OSTM1: variants seen among roughly 807,000 people sequenced by gnomAD.
OSTM1 encodes the protein osteopetrosis-associated transmembrane protein 1.
In OSTM1, 26 loss-of-function variants were observed where a neutral mutation model predicts 35.4. The ratio of observed to expected loss-of-function variants is 0.73; its 90% CI spans 0.54 to 1.02. OSTM1 has a LOEUF of 1.02. OSTM1 is among the 50% of genes least tolerant of loss of function. OSTM1 has a pLI of 0.00. For missense variants in OSTM1, 366 were observed against 409.6 expected (o/e 0.89, Z 0.92); for synonymous variants, 181 against 165.0 (o/e 1.10, Z -0.75).
In OSTM1 at chr6:108,046,263, G is replaced by A. The variant is rs559147110; in HGVS notation, c.950-1423C>T. Among the ~76,000 whole-genome samples the A allele has an allele frequency of 3.3e-3, 463 of 139,678 alleles. 3 individuals carry two copies. Among genetic ancestry groups the A allele is most frequent in the Non-Finnish European group, 3.7e-3 (244 of 65,666 alleles). 91.6% of individuals were successfully genotyped at this position (139,678 alleles called of 152,430 possible). On this transcript the variant is annotated intron_variant, in intron 5 of 5. Transcript: ENST00000193322. ...TCTTGATCTCCTGACCTCATGATCC[G>A]TCTGCCCCGGCCTCCCAAAGTGCTG...
chr6:108,073,556 T>A (rs1772525319), intron 1 of OSTM1: 1 of 152,266 alleles, frequency 6.6e-6, no homozygotes, highest in African/African-American at 2.4e-5. Context: ...TATTACTATG[T>A]GTTGTTTTCT....
chr6:108,065,123 T>G (rs1300539369), intron 1 of OSTM1, among the ~76,000 whole-genome samples: 3 of 152,066 alleles, frequency 2.0e-5, no homozygotes, highest in Non-Finnish European at 2.9e-5. Context: ...CCTCCCAAAG[T>G]GCTGGGATTA....
In OSTM1 at chr6:108,049,958, C is replaced by T. The variant is rs184210096; in HGVS notation, c.784-540G>A. The stretch of plus-strand genomic sequence containing the variant: ...TTCTTAAGCTCATTAATTCTGACCT[C>T]AAGTTCTCTACTTTGAGCCAATAAT... On this transcript the variant is annotated intron_variant, in intron 4 of 5. Transcript: ENST00000193322. Among the ~76,000 whole-genome samples, 39 of 152,302 alleles carry T rather than the reference C, an allele frequency of 2.6e-4. No homozygotes were observed. In the East Asian group the frequency reaches 6.0e-3, roughly 23 times the overall value.
At chr6:108,054,694 A>G in intron 2 of OSTM1, 107 bp from the exon 3 acceptor site, 1 of 535,608 alleles carries the variant, frequency 1.9e-6, no homozygotes, top group Non-Finnish European at 3.3e-6. Flanking sequence ...GTAATTCTTT[A>G]TTCAAACAAG....
intron 4 of OSTM1, among the ~76,000 whole-genome samples, chr6:108,050,690 A>T (rs1772061571): frequency 6.6e-6 from 1 of 152,188 alleles, no homozygotes; most frequent in African/African-American, 2.4e-5. Flanking sequence ...CAACAAGTGC[A>T]CAAGAAACTG....
Position 108,069,915 on chromosome 6 carries a change from T to A in OSTM1, c.402+4335A>T, listed in dbSNP as rs1772450986. ...CTGGCTTTGATTCTTTTTTTCTCCT[T>A]ATTATACTCCTCTCCTCTCTCAATC... On this transcript the variant is annotated intron_variant, in intron 1 of 5. Transcript: ENST00000193322. Among the ~76,000 whole-genome samples the A allele has an allele frequency of 3.3e-5, 5 of 152,294 alleles. No individual in the cohort carries two copies. In the South Asian group the frequency reaches 1.0e-3, roughly 32 times the overall value.
At chr6:108,050,640 G>T (rs1272916080) in intron 4 of OSTM1, among the ~76,000 whole-genome samples, 5 of 152,130 alleles carry the variant, frequency 3.3e-5, no homozygotes, top group Non-Finnish European at 5.9e-5. Context: ...GGGATTACAG[G>T]TGTAGTCACC....
chr6:108,064,526 A>G (rs1190214284), intron 1 of OSTM1, among the ~76,000 whole-genome samples: 1 of 152,118 alleles, frequency 6.6e-6, no homozygotes, highest in Non-Finnish European at 1.5e-5. Flanking sequence ...TGTTATCTAA[A>G]TAGTTTGTAC....
intron 1 of OSTM1, among the ~76,000 whole-genome samples, chr6:108,071,329 G>A (rs1006600940): frequency 2.7e-5 from 4 of 150,036 alleles, no homozygotes; most frequent in African/African-American, 9.8e-5. Flanking sequence ...TTTTTGCAAC[G>A]GAGTCTTACT....
intron 2 of OSTM1, among the ~76,000 whole-genome samples, chr6:108,055,053 G>A (rs1332723881): frequency 6.6e-6 from 1 of 152,056 alleles, no homozygotes; most frequent in Non-Finnish European, 1.5e-5. Context: ...TTTAAAATTC[G>A]CTCTTTCTAA....
intron 3 of OSTM1, among the ~76,000 whole-genome samples, chr6:108,052,821 A>C (rs961918430): frequency 6.6e-6 from 1 of 152,056 alleles, no homozygotes; most frequent in Admixed American, 6.6e-5. Context: ...CTTCATTGCA[A>C]CTCCTGCTTT....
At chr6:108,050,650 C>T (rs553177451) in intron 4 of OSTM1, among the ~76,000 whole-genome samples, 2 of 151,996 alleles carry the variant, frequency 1.3e-5, no homozygotes, top group East Asian at 1.9e-4. Flanking sequence ...GTGTAGTCAC[C>T]GTGCCCAGCT....
intron 3 of OSTM1, among the ~76,000 whole-genome samples, chr6:108,051,573 A>G (rs1772074579): frequency 6.6e-6 from 1 of 152,192 alleles, no homozygotes; most frequent in South Asian, 2.1e-4. Context: ...TTATCTCATC[A>G]TCACAAACCC....
chr6:108,061,212 T>G (rs1405091624), intron 2 of OSTM1, among the ~76,000 whole-genome samples: 1 of 152,112 alleles, frequency 6.6e-6, no homozygotes, highest in East Asian at 1.9e-4. Flanking sequence ...CAATATACCA[T>G]AGTATACTGA....
chr6:108,073,613 A>G (rs1772526322), intron 1 of OSTM1: 1 of 152,430 alleles, frequency 6.6e-6, no homozygotes, highest in East Asian at 1.9e-4. Flanking sequence ...ACAGGCACAG[A>G]GAATGTAAGT....
chr6:108,074,431 G>C lies in OSTM1; in HGVS notation c.221C>G (p.Pro74Arg), dbSNP rs141735624. Residue 74 changes from proline (P) to arginine (R), a missense_variant, in exon 1 of 6, where the codon CCC becomes CGC. Around this residue, in one of 3 missense-constraint regions of OSTM1, gnomAD observed 236 missense variants for 239.3 expected, o/e 0.99. Transcript: ENST00000193322. Reference protein sequence around the residue: ...QGGGLGPLSLPPDLPDLDPEC... With the variant: ...QGGGLGPLSLRPDLPDLDPEC... ...AGGATCCAGATCCGGCAGGTCCGGG[G>C]GCAGCGACAGAGGCCCCAGCCCTCC... 3.1e-3 allele frequency: 4,878 copies of C among 1,560,524 alleles called. 128 individuals are homozygous for C. The African/African-American group carries it at 0.06, about 19-fold the overall frequency.
At chr6:108,050,413 G>C (rs1182335244) in intron 4 of OSTM1, among the ~76,000 whole-genome samples, 1 of 138,278 alleles carries the variant, frequency 7.2e-6, no homozygotes, top group Non-Finnish European at 1.5e-5. Context: ...GCCCAGGCTG[G>C]AGTGCACTGG....
intron 2 of OSTM1, among the ~76,000 whole-genome samples, chr6:108,063,103 C>T (rs1317889285): frequency 6.6e-6 from 1 of 151,884 alleles, no homozygotes; most frequent in Non-Finnish European, 1.5e-5. Context: ...TCCTTGAATT[C>T]CTGGGCTGAA....
intron 1 of OSTM1, among the ~76,000 whole-genome samples, chr6:108,067,828 T>TAAAAAAAAAAAAAA (rs60932026): frequency 1.3e-5 from 1 of 77,780 alleles, no homozygotes; most frequent in Admixed American, 1.8e-4. Flanking sequence ...AGCCTCTGTC[T>TAAAAAAAAAAAAAA]AAAAAAAAAA....
Sources: allele counts gnomAD v4.1 joint callset (sites outside exome capture counted in the v4.1 genomes callset), GRCh38; gene constraint gnomAD v4.1.1; regional missense constraint gnomAD v4.1.1; transcripts MANE v1.5; gene names NCBI Gene and HGNC (gene_info 2026-07-23, HGNC 2026-07-21).